RECK: variants seen among roughly 807,000 people sequenced by gnomAD.
The protein encoded by RECK is reversion inducing cysteine rich protein with kazal motifs.
Under a neutral mutation model 115.1 loss-of-function variants are expected in RECK, and 69 were observed. The observed-to-expected ratio is 0.60, with a 90% CI of 0.49 to 0.73. RECK has a LOEUF of 0.73. Ranked by LOEUF, RECK falls within the 30% of genes least tolerant of loss-of-function variation. The probability of loss-of-function intolerance (pLI) is 0.00; values close to 1 mark genes in which losing one functional copy is unlikely to be tolerated. For synonymous variants in RECK, 414 were observed against 419.7 expected (o/e 0.99, Z 0.17); for missense variants, 1,047 against 1,203.7 (o/e 0.87, Z 1.93).
chr9:36,112,386 G>C lies in RECK; in HGVS notation c.1970G>C (p.Arg657Pro). The C allele has an allele frequency of 6.2e-7, 1 of 1,614,034 alleles. No individual in the cohort carries two copies. Among genetic ancestry groups the C allele is most frequent in the East Asian group, 2.2e-5 (1 of 44,884 alleles). Residue 657 changes from arginine (R) to proline (P), a missense_variant, in exon 16 of 21, where the codon CGC (arginine) becomes CCC (proline). Arg to Pro is a moderately radical substitution (Grantham distance 103). Coordinates refer to ENST00000377966, the MANE Select transcript of RECK (RefSeq NM_021111.3). Reference protein sequence around the residue: ...GRTYPSACIARCVGLQDHQFE... With the variant: ...GRTYPSACIAPCVGLQDHQFE... ...ACTTACCCCAGTGCCTGCATTGCTC[G>C]CTGTGTGGGCCTCCAAGACCATCAG...
Position 36,102,191 on chromosome 9 carries a change from G to C in RECK, c.1396G>C (p.Asp466His). 6.2e-7 allele frequency: 1 copy of C among 1,613,792 alleles called. No individual in the cohort carries two copies. Among genetic ancestry groups the C allele is most frequent in the Admixed American group, 1.7e-5 (1 of 60,018 alleles). The change falls in exon 12 of 21, where the codon GAT (aspartate) becomes CAT (histidine). Residue 466 changes from aspartate to histidine, a missense_variant. Physicochemically the swap from Asp to His is moderately conservative, Grantham distance 81. Coordinates refer to ENST00000377966, the MANE Select transcript of RECK (RefSeq NM_021111.3). ...ESICELLSPT[D>H]DLKNCIPLDT... ...TATTTGTGAGCTTCTGTCACCTACA[G>C]ATGATCTGAAGAATTGTATACCTTT... is the stretch of plus-strand genomic sequence containing the variant.
At chr9:36,121,175 C>G (rs895500262) in intron 19 of RECK, among the ~76,000 whole-genome samples, 1 of 152,218 alleles carries the variant, frequency 6.6e-6, no homozygotes, top group African/African-American at 2.4e-5. Flanking sequence ...TCTGCACCAT[C>G]ACAGGGCTCC....
intron 16 of RECK, among the ~76,000 whole-genome samples, chr9:36,116,702 C>T (rs557706151): frequency 3.9e-5 from 6 of 152,338 alleles, no homozygotes; most frequent in African/African-American, 1.4e-4. Context: ...CCCCTTTGCC[C>T]CCCCAGCCTC....
At chr9:36,099,705 A>T (rs1313330354) in intron 10 of RECK, among the ~76,000 whole-genome samples, 4 of 151,972 alleles carry the variant, frequency 2.6e-5, no homozygotes, top group Non-Finnish European at 4.4e-5. Flanking sequence ...GACTGGTCTC[A>T]AACTCCTGAG....
Position 36,121,533 on chromosome 9 carries a change from G to A in RECK, c.2539G>A (p.Val847Ile), listed in dbSNP as rs1824459427. The change falls in exon 20 of 21, where the codon GTA (valine) becomes ATA (isoleucine). Residue 847 changes from valine to isoleucine, a missense_variant and splice_region_variant. Val to Ile is a conservative substitution (Grantham distance 29). Coordinates refer to ENST00000377966, the MANE Select transcript of RECK (RefSeq NM_021111.3). ...DKEKLDTIAK[V>I]TNKKPITVLE... ...GGTAATACATGTTTTCTCTTTCCAG[G>A]TAACAAATAAAAAGCCAATAACAGT... 5 of 1,612,418 alleles carry A rather than the reference G, an allele frequency of 3.1e-6. No homozygotes were observed. The East Asian group carries it at 1.1e-4, about 36-fold the overall frequency.
At chr9:36,045,682 C>G (rs190401837) in intron 1 of RECK, among the ~76,000 whole-genome samples, 1 of 151,648 alleles carries the variant, frequency 6.6e-6, no homozygotes, top group Admixed American at 6.6e-5. Flanking sequence ...GGCAAAAATC[C>G]CTTTTAACTT....
rs984153074 is a variant in RECK at position 36,094,833 on chromosome 9, A to G, written c.1085+3490A>G. 6.6e-6 allele frequency among the ~76,000 whole-genome samples: 1 copy of G among 152,198 alleles called. No individual in the cohort carries two copies. Among genetic ancestry groups the G allele is most frequent in the Non-Finnish European group, 1.5e-5 (1 of 68,024 alleles). On this transcript the variant is annotated intron_variant, in intron 10 of 20. Coordinates refer to ENST00000377966, the MANE Select transcript of RECK (RefSeq NM_021111.3). The surrounding 1 kb of genome is among the most constrained non-coding windows in gnomAD (Gnocchi z 4.1). ...AACCCTAAAGAGAGAGAAATATTCA[A>G]TCATATTCAGAAATGTTAACACCTC...
At chr9:36,104,209 C>T (rs1823670380) in intron 12 of RECK, among the ~76,000 whole-genome samples, 1 of 146,022 alleles carries the variant, frequency 6.8e-6, no homozygotes, top group African/African-American at 2.5e-5. Flanking sequence ...TATCCCCTGA[C>T]ACTACTTATT....
At chr9:36,109,885 A>T in intron 14 of RECK, 72 bp from the exon 15 acceptor site, 1 of 1,385,486 alleles carries the variant, frequency 7.2e-7, no homozygotes, top group Non-Finnish European at 1.0e-6. Context: ...TTGTTGAACT[A>T]TTAAAATTGT....
At position 36,123,136 on chromosome 9, in the gene RECK, C is replaced by A; in HGVS notation, c.*91C>A. 9.9e-7 allele frequency: 1 copy of A among 1,007,762 alleles called. No individual in the cohort carries two copies. Among genetic ancestry groups the A allele is most frequent in the Non-Finnish European group, 1.5e-6 (1 of 681,164 alleles). The allele number at this position is 1,007,762 out of a possible 1,614,324, so 62.4% of individuals were successfully genotyped here. ...CTGCTGGTTTGTAGTTGAATATTGG[C>A]CAAGGAAAGGCACATGTCACCTCTA... On this transcript the variant is annotated 3_prime_UTR_variant, in exon 21 of 21. Coordinates refer to ENST00000377966, the MANE Select transcript of RECK (RefSeq NM_021111.3).
chr9:36,059,273 A>G (rs1821663417), intron 3 of RECK, among the ~76,000 whole-genome samples: 1 of 152,048 alleles, frequency 6.6e-6, no homozygotes, highest in African/African-American at 2.4e-5. Flanking sequence ...CCTGGCCAGC[A>G]TAGTGAAACC....
Position 36,121,590 on chromosome 9 carries a change from G to T in RECK, c.2596G>T (p.Val866Leu), listed in dbSNP as rs769655833. Residue 866 changes from valine (V) to leucine (L), a missense_variant, in exon 20 of 21, where the codon GTG becomes TTG. By Grantham distance (32) the Val-to-Leu change is conservative (BLOSUM62 1). Transcript: ENST00000377966. ...AATACTTCAGAAAATCCGCATGCAC[G>T]TGTCTGTCCCACAGTGTGATGTGTT... ...LEILQKIRMH[V>L]SVPQCDVFGY... 1 of 1,614,060 alleles carries T rather than the reference G, an allele frequency of 6.2e-7. No individual in the cohort carries two copies. The highest frequency in any genetic ancestry group is 8.5e-7 in the Non-Finnish European group (1 of 1,179,938).
At chr9:36,052,569 T>C (rs529531314) in intron 2 of RECK, among the ~76,000 whole-genome samples, 3 of 152,334 alleles carry the variant, frequency 2.0e-5, no homozygotes, top group East Asian at 1.9e-4. Context: ...TAACTAATTG[T>C]CCAGGGTTCA....
intron 1 of RECK, among the ~76,000 whole-genome samples, chr9:36,048,814 A>G (rs973741788): frequency 6.6e-6 from 1 of 152,180 alleles, no homozygotes; most frequent in Non-Finnish European, 1.5e-5. Flanking sequence ...CCAACTGGAT[A>G]TAATGTAATT....
chr9:36,072,519 G>C (rs1345617589), intron 6 of RECK, among the ~76,000 whole-genome samples: 6 of 152,152 alleles, frequency 3.9e-5, no homozygotes, highest in Non-Finnish European at 8.8e-5. Context: ...AAAAGGAATC[G>C]TGTGATACTT....
At chr9:36,047,334 T>A (rs1821103670) in intron 1 of RECK, among the ~76,000 whole-genome samples, 1 of 152,012 alleles carries the variant, frequency 6.6e-6, no homozygotes, top group South Asian at 2.1e-4. Flanking sequence ...GTCGGCCAGG[T>A]GTGGTGGCTC....
chr9:36,106,691 A>G lies in RECK; in HGVS notation c.1577-1285A>G, dbSNP rs1022277171. On this transcript the variant is annotated intron_variant, in intron 13 of 20. Coordinates refer to ENST00000377966, the MANE Select transcript of RECK (RefSeq NM_021111.3). ...ATGTCGGACTGTTTTAAATTTCAAG[A>G]TAGTATTTTCTGTCCATTTACCCTT... Among the ~76,000 whole-genome samples the G allele has an allele frequency of 2.6e-5, 4 of 152,254 alleles. No homozygotes were observed. In the East Asian group the frequency reaches 7.7e-4, roughly 29 times the overall value.
chr9:36,110,790 T>C (rs1199728922), intron 15 of RECK, among the ~76,000 whole-genome samples: 2 of 134,658 alleles, frequency 1.5e-5, no homozygotes, highest in Admixed American at 1.7e-4. Flanking sequence ...TAGTATTACA[T>C]GTGGAGAGGG....
intron 1 of RECK, among the ~76,000 whole-genome samples, chr9:36,051,515 A>G (rs181082691): frequency 2.3e-4 from 35 of 152,250 alleles, no homozygotes; most frequent in Middle Eastern, 3.4e-3. Context: ...CTAATTAGTA[A>G]ACCCATTTCC....
Sources: allele counts gnomAD v4.1 joint callset (sites outside exome capture counted in the v4.1 genomes callset), GRCh38; gene constraint gnomAD v4.1.1; non-coding constraint Gnocchi (gnomAD v3.1); transcripts MANE v1.5; gene names NCBI Gene and HGNC (gene_info 2026-07-23, HGNC 2026-07-21).